CCDC68: variants seen among roughly 807,000 people sequenced by gnomAD.
CCDC68 encodes coiled-coil domain-containing protein 68.
A neutral mutation model predicts 47.1 loss-of-function variants in CCDC68; 45 were observed. The observed-to-expected ratio is 0.96, with a 90% confidence interval of 0.75 to 1.23. The LOEUF is 1.23. CCDC68 is among the 50% of genes most tolerant of loss of function. The probability of loss-of-function intolerance (pLI) is 0.00; values close to 1 mark genes in which losing one functional copy is unlikely to be tolerated. For missense variants in CCDC68, 353 were observed against 373.6 expected (o/e 0.94, Z 0.45); for synonymous variants, 131 against 129.5 (o/e 1.01, Z -0.08).
At chr18:54,949,791 G>A (rs148780620) in intron 1 of CCDC68, among the ~76,000 whole-genome samples, 172 of 152,282 alleles carry the variant, frequency 1.1e-3, no homozygotes, top group African/African-American at 3.6e-3. Flanking sequence ...GACAGCTCCC[G>A]CTGGAAGTGC....
At chr18:54,907,142 T>G (rs1914058417) in intron 11 of CCDC68, among the ~76,000 whole-genome samples, 1 of 152,198 alleles carries the variant, frequency 6.6e-6, no homozygotes, top group Non-Finnish European at 1.5e-5. Context: ...AAATGATAAT[T>G]TCATGGGGTT....
In CCDC68 at chr18:54,917,910, T is replaced by C. The variant is rs2043984035; in HGVS notation, c.873+3A>G. On this transcript the variant is annotated splice_donor_region_variant and intron_variant, in intron 10 of 11. Coordinates refer to ENST00000591504, the MANE Select transcript of CCDC68 (RefSeq NM_025214.3). ...CAAAATGTAAGACAGGTTCCCTCCT[T>C]ACCTGGGCTTCAAGTATGTTAACCT... 6.4e-7 allele frequency: 1 copy of C among 1,555,494 alleles called. No homozygotes were observed. Among genetic ancestry groups the C allele is most frequent in the Non-Finnish European group, 8.9e-7 (1 of 1,129,082 alleles).
chr18:54,928,706 T>TG (rs1295731019), intron 8 of CCDC68, 94 bp downstream of exon 8: 8 of 757,378 alleles, frequency 1.1e-5, no homozygotes, highest in Admixed American at 2.3e-5. Flanking sequence ...CCTATTTCTT[T>TG]GGGGGACAGA....
At chr18:54,931,587 G>A (rs1213441547) in intron 7 of CCDC68, among the ~76,000 whole-genome samples, 1 of 152,206 alleles carries the variant, frequency 6.6e-6, no homozygotes, top group Non-Finnish European at 1.5e-5. Context: ...TTTATAAAAT[G>A]ATGATGAGGA....
chr18:54,912,980 G>A (rs1914455947), intron 10 of CCDC68, among the ~76,000 whole-genome samples: 1 of 152,192 alleles, frequency 6.6e-6, no homozygotes. Flanking sequence ...AACACATGGG[G>A]ATTATGGGAG....
chr18:54,952,792 C>A (rs2044640785), intron 1 of CCDC68, among the ~76,000 whole-genome samples: 1 of 152,192 alleles, frequency 6.6e-6, no homozygotes, highest in Non-Finnish European at 1.5e-5. Flanking sequence ...GCGAGCTGAT[C>A]ACCTGAGGTC....
In CCDC68 at chr18:54,959,407, G is replaced by A. The variant is rs2044764847; in HGVS notation, c.-174C>T. 6.6e-6 allele frequency: 1 copy of A among 152,124 alleles called. No homozygotes were observed. Among genetic ancestry groups the A allele is most frequent in the Admixed American group, 6.5e-5 (1 of 15,286 alleles). 9.4% of individuals were successfully genotyped at this position (152,124 alleles called of 1,614,324 possible). A position where few individuals can be genotyped will look rare whatever the true frequency, so the allele number is the denominator to read the frequency against. On this transcript the variant is annotated 5_prime_UTR_variant, in exon 1 of 12. Coordinates refer to ENST00000591504, the MANE Select transcript of CCDC68 (RefSeq NM_025214.3). Reference sequence around the variant, plus strand: ...CTGGGCGATCGGACCTTGGGGCCAGGGTCGGCTGCCAGGGCCCTGCGAGTG... The same window carrying A: ...CTGGGCGATCGGACCTTGGGGCCAGAGTCGGCTGCCAGGGCCCTGCGAGTG...
chr18:54,940,688 G>A (rs191562062), intron 4 of CCDC68, among the ~76,000 whole-genome samples: 1 of 152,294 alleles, frequency 6.6e-6, no homozygotes, highest in East Asian at 1.9e-4. Flanking sequence ...TGTGGCCCAC[G>A]TGAGTCTAAA....
At position 54,904,050 on chromosome 18, in the gene CCDC68, C is replaced by T; in HGVS notation, c.*308G>A. On this transcript the variant is annotated 3_prime_UTR_variant, in exon 12 of 12. Transcript: ENST00000591504. ...CAGAATTGACAATCTTAAAACAATC[C>T]CAGTAGAAAAAAAAATCTGAAAACA... is the stretch of plus-strand genomic sequence containing the variant. 7.7e-6 allele frequency: 2 copies of T among 258,704 alleles called. No individual in the cohort carries two copies. Among genetic ancestry groups the T allele is most frequent in the Middle Eastern group, 1.3e-3 (1 of 746 alleles). 16.0% of individuals were successfully genotyped at this position (258,704 alleles called of 1,614,324 possible).
At position 54,924,289 on chromosome 18, in the gene CCDC68, G is replaced by GAA. The variant is rs113151571; in HGVS notation, c.683+4509_683+4510dup. Among the ~76,000 whole-genome samples, 188 of 148,422 alleles carry GAA rather than the reference G, an allele frequency of 1.3e-3. 1 individual carries two copies. The highest frequency in any genetic ancestry group is 4.5e-3 in the African/African-American group (181 of 40,656). ...ACTAAAAGCCCTGGATATTGTATAT[G>GAA]AAAAAAAAAACACAAGAAGACTCTG... On this transcript the variant is annotated intron_variant, in intron 8 of 11. Transcript: ENST00000591504.
chr18:54,914,996 T>A (rs1231872711), intron 10 of CCDC68, among the ~76,000 whole-genome samples: 1 of 152,144 alleles, frequency 6.6e-6, no homozygotes, highest in African/African-American at 2.4e-5. Context: ...GAACACAAAA[T>A]TGAATTAGAA....
chr18:54,916,505 C>T (rs902689535), intron 10 of CCDC68, among the ~76,000 whole-genome samples: 1 of 152,150 alleles, frequency 6.6e-6, no homozygotes, highest in Non-Finnish European at 1.5e-5. Context: ...CAACATTACG[C>T]TGGCAGGTGA....
intron 1 of CCDC68, among the ~76,000 whole-genome samples, chr18:54,955,708 TTTTGTTTGTTTG>T (rs529541597): frequency 6.6e-6 from 1 of 152,002 alleles, no homozygotes; most frequent in Non-Finnish European, 1.5e-5. Flanking sequence ...AGAAGTTCTT[TTTTGTTTGTTTG>T]TTTGTTTGTT....
chr18:54,941,544 A>G (rs1193110109), intron 3 of CCDC68, among the ~76,000 whole-genome samples: 1 of 152,128 alleles, frequency 6.6e-6, no homozygotes, highest in African/African-American at 2.4e-5. Flanking sequence ...CTGAGAGATC[A>G]CACACATTTA....
At chr18:54,919,815 A>T (rs890255589) in intron 8 of CCDC68, among the ~76,000 whole-genome samples, 1 of 152,084 alleles carries the variant, frequency 6.6e-6, no homozygotes, top group Non-Finnish European at 1.5e-5. Flanking sequence ...TAAGAAACCA[A>T]TTTCTAATGA....
chr18:54,925,445 C>G (rs1224434250), intron 8 of CCDC68, among the ~76,000 whole-genome samples: 1 of 152,026 alleles, frequency 6.6e-6, no homozygotes, highest in East Asian at 1.9e-4. Context: ...CATTTCTTAT[C>G]AAGGATTCAT....
chr18:54,932,673 C>T (rs1397668728), intron 7 of CCDC68, among the ~76,000 whole-genome samples: 5 of 152,146 alleles, frequency 3.3e-5, no homozygotes, highest in African/African-American at 1.2e-4. Flanking sequence ...CCAAGATCTC[C>T]TGGAGACAGC....
intron 3 of CCDC68, among the ~76,000 whole-genome samples, 173 bp downstream of exon 3, chr18:54,942,502 A>C (rs1029384682): frequency 6.6e-5 from 10 of 152,214 alleles, no homozygotes; most frequent in African/African-American, 2.2e-4. Flanking sequence ...TCGTATCCTC[A>C]AGAGAAATGA....
At chr18:54,930,844 G>A (rs548201059) in intron 7 of CCDC68, among the ~76,000 whole-genome samples, 5 of 150,808 alleles carry the variant, frequency 3.3e-5, no homozygotes, top group African/African-American at 9.8e-5. Flanking sequence ...TCAGCCTCCC[G>A]AGTAGCTGGG....
Sources: allele counts gnomAD v4.1 joint callset (sites outside exome capture counted in the v4.1 genomes callset), GRCh38; gene constraint gnomAD v4.1.1; transcripts MANE v1.5; gene names NCBI Gene and HGNC (gene_info 2026-07-23, HGNC 2026-07-21).